ZSCAN25: variants seen among roughly 807,000 people sequenced by gnomAD.
ZSCAN25 encodes the protein zinc finger and SCAN domain-containing protein 25.
In ZSCAN25, 27 loss-of-function variants were observed where a neutral mutation model predicts 38.7. The ratio of observed to expected loss-of-function variants is 0.70; its 90% CI spans 0.51 to 0.96. ZSCAN25 has a LOEUF of 0.96. Ranked by LOEUF, ZSCAN25 falls within the 40% of genes least tolerant of loss-of-function variation. The pLI is 0.00. For missense variants in ZSCAN25, 637 were observed against 705.9 expected, an observed-to-expected ratio of 0.90 and a Z score of 1.11; for synonymous variants, 273 against 277.7, an observed-to-expected ratio of 0.98 and a Z score of 0.17.
the ZSCAN25 span, chr7:99,720,436 T>G: frequency 6.2e-7 from 1 of 1,612,812 alleles, no homozygotes; most frequent in Non-Finnish European, 8.5e-7. Flanking sequence ...ACAGAGTTGA[T>G]TAAACATCAA....
chr7:99,713,438 C>T, the ZSCAN25 span: 1 of 1,612,748 alleles, frequency 6.2e-7, no homozygotes, highest in Non-Finnish European at 8.5e-7. Flanking sequence ...GAGTGCCCCA[C>T]CAGTAGCCCT....
chr7:99,663,554 T>C, the ZSCAN25 span: 7 of 993,844 alleles, frequency 7.0e-6, no homozygotes, highest in Admixed American at 5.9e-5. Flanking sequence ...GGTAGCCTCA[T>C]AGGACCTTTA....
At chr7:99,624,235 CA>C in intron 7 of ZSCAN25, 55 bp downstream of exon 7, 5 of 1,609,622 alleles carry the variant, frequency 3.1e-6, no homozygotes, top group Non-Finnish European at 3.4e-6. Context: ...AAGCTCAGGT[CA>C]GGGGTCCTGC....
chr7:99,621,257 C>T (rs1225188197), intron 4 of ZSCAN25, 116 bp from the exon 5 acceptor site: 3 of 948,632 alleles, frequency 3.2e-6, no homozygotes, highest in South Asian at 8.6e-5. Context: ...TTTCCTTCCT[C>T]TCCCCTGAAG....
At chr7:99,677,208 T>TC in the ZSCAN25 span, 1 of 985,356 alleles carries the variant, frequency 1.0e-6, no homozygotes, top group African/African-American at 1.7e-5. Context: ...TTGCAGACCT[T>TC]CCCCCTCCGG....
chr7:99,679,595 C>T, the ZSCAN25 span, among the ~76,000 whole-genome samples: 9 of 152,148 alleles, frequency 5.9e-5, no homozygotes, highest in African/African-American at 2.2e-4. Context: ...CAAATGCTGT[C>T]CCTAAACCCT....
chr7:99,648,050 G>A, the ZSCAN25 span: 10 of 1,099,762 alleles, frequency 9.1e-6, no homozygotes, highest in Non-Finnish European at 1.0e-5. Flanking sequence ...GGTGGGTAGA[G>A]GTAGTCCTAT....
chr7:99,622,724 G>T, intron 6 of ZSCAN25, 84 bp downstream of exon 6: 1 of 1,313,500 alleles, frequency 7.6e-7, no homozygotes, highest in East Asian at 2.4e-5. Context: ...GCACAACAGT[G>T]TTCCCTTCCC....
chr7:99,705,139 A>G, the ZSCAN25 span: 2 of 252,132 alleles, frequency 7.9e-6, no homozygotes, highest in Non-Finnish European at 1.6e-5. Flanking sequence ...GAGCCATCAA[A>G]ATAATTCCTA....
intron 5 of ZSCAN25, 139 bp from the exon 6 acceptor site, chr7:99,622,410 C>T: frequency 2.5e-6 from 2 of 809,822 alleles, no homozygotes; most frequent in South Asian, 2.7e-5. Flanking sequence ...AAGTGTGGTA[C>T]CAGAGTGAAA....
chr7:99,664,130 T>G, the ZSCAN25 span: 6 of 1,515,680 alleles, frequency 4.0e-6, no homozygotes, highest in Admixed American at 6.8e-5. Context: ...AAGGAAATCA[T>G]TGAAAATGCA....
the ZSCAN25 span, among the ~76,000 whole-genome samples, chr7:99,729,932 A>T: frequency 6.6e-6 from 1 of 152,190 alleles, no homozygotes; most frequent in Non-Finnish European, 1.5e-5. Flanking sequence ...GACGCATGTG[A>T]AAGTAGGGAA....
the ZSCAN25 span, chr7:99,685,181 G>A: frequency 6.2e-7 from 1 of 1,613,090 alleles, no homozygotes; most frequent in Admixed American, 1.7e-5. Flanking sequence ...TCAACCTTTA[G>A]AACAATGGGT....
the ZSCAN25 span, chr7:99,679,758 G>A: frequency 6.8e-7 from 1 of 1,466,688 alleles, no homozygotes; most frequent in East Asian, 2.3e-5. Context: ...AAACAGATAA[G>A]GGAAAAGGGG....
intron 1 of ZSCAN25, 100 bp downstream of exon 1, chr7:99,617,116 T>G (rs1806529180): frequency 6.6e-6 from 1 of 152,074 alleles, no homozygotes. Context: ...GCAGCGGGGT[T>G]GCAGTAGAGC....
the ZSCAN25 span, among the ~76,000 whole-genome samples, chr7:99,706,293 C>T: frequency 1.3e-5 from 2 of 152,108 alleles, no homozygotes; most frequent in Non-Finnish European, 2.9e-5. Context: ...AGAAAATTGC[C>T]ATGGAGATCC....
At chr7:99,689,187 T>G in the ZSCAN25 span, among the ~76,000 whole-genome samples, 1 of 151,910 alleles carries the variant, frequency 6.6e-6, no homozygotes, top group East Asian at 1.9e-4. Context: ...CTGAAGGAAA[T>G]AGAGACACAA....
chr7:99,690,119 A>G, the ZSCAN25 span, among the ~76,000 whole-genome samples: 12 of 152,364 alleles, frequency 7.9e-5, 1 homozygote, highest in African/African-American at 2.9e-4. Flanking sequence ...CCAATGGAGC[A>G]GAACAGAGCC....
chr7:99,653,450 C>CAAATAAATAAATAAAT, the ZSCAN25 span, among the ~76,000 whole-genome samples: 728 of 145,480 alleles, frequency 5.0e-3, 7 homozygotes, highest in African/African-American at 0.015. This position sits in a 1 kb window ranked among gnomAD's most constrained non-coding sequence, Gnocchi z 4.2. Flanking sequence ...GACCCTGTCT[C>CAAATAAATAAATAAAT]AAATAAATAA....
Sources: gnomAD v4.1 joint callset for allele counts (sites outside exome capture counted in the v4.1 genomes callset) on GRCh38, gnomAD v4.1.1 for gene constraint, Gnocchi (gnomAD v3.1) non-coding constraint, MANE v1.5 for transcripts, NCBI Gene and HGNC (gene_info 2026-07-23, HGNC 2026-07-21) for gene names.